The following PAK5 variants were observed in gnomAD, a reference collection of about 807,000 sequenced individuals.
The protein encoded by PAK5 is serine/threonine-protein kinase PAK 5.
PAK5 carries 16 observed loss-of-function variants against 65.9 expected under a neutral mutation model. That is an observed-to-expected ratio of 0.24 (90% CI 0.16 to 0.37). The LOEUF (loss-of-function observed/expected upper bound fraction) is 0.37, where lower values mean the gene tolerates loss of function less well. Ranked by LOEUF, PAK5 falls within the 10% of genes least tolerant of loss-of-function variation. PAK5 has a pLI of 1.00. For synonymous variants in PAK5, 371 were observed against 354.9 expected, an observed-to-expected ratio of 1.05 and a Z score of -0.51; for missense variants, 785 against 903.9, an observed-to-expected ratio of 0.87 and a Z score of 1.69.
intron 2 of PAK5, among the ~76,000 whole-genome samples, chr20:9,644,931 A>G (rs1355336337): frequency 6.6e-6 from 1 of 152,240 alleles, no homozygotes; most frequent in African/African-American, 2.4e-5. Flanking sequence ...GTACACAGGG[A>G]GAAACATTTC....
rs977892106 is a variant in PAK5 at position 9,606,137 on chromosome 20, T to A, written c.205-25207A>T. Among the ~76,000 whole-genome samples the A allele has an allele frequency of 2.0e-5, 3 of 152,154 alleles. No homozygotes were observed. In the East Asian group the frequency reaches 5.8e-4, roughly 29 times the overall value. ...TGGATCATGGGGGGTGAACTTCTCA[T>A]GAATGATTTAGTGCCATCCCCTTGG... On this transcript the variant is annotated intron_variant, in intron 3 of 9. Coordinates refer to ENST00000353224, the MANE Select transcript of PAK5 (RefSeq NM_177990.4).
At chr20:9,608,418 G>A (rs1204774473) in intron 3 of PAK5, among the ~76,000 whole-genome samples, 1 of 152,204 alleles carries the variant, frequency 6.6e-6, no homozygotes, top group African/African-American at 2.4e-5. Flanking sequence ...GAGGACTCCA[G>A]CGCTTGGAGG....
chr20:9,831,875 G>A (rs1398317377), intron 1 of PAK5, among the ~76,000 whole-genome samples: 1 of 152,030 alleles, frequency 6.6e-6, no homozygotes, highest in African/African-American at 2.4e-5. Flanking sequence ...ACCACCCAGA[G>A]ATTGCCTAAC....
At chr20:9,616,296 A>G (rs2046654168) in intron 3 of PAK5, among the ~76,000 whole-genome samples, 2 of 152,202 alleles carry the variant, frequency 1.3e-5, no homozygotes, top group African/African-American at 4.8e-5. Context: ...TATATTACAG[A>G]TGAGGAACTG....
chr20:9,658,153 A>G (rs2047294601), intron 2 of PAK5, among the ~76,000 whole-genome samples: 2 of 152,232 alleles, frequency 1.3e-5, no homozygotes, highest in South Asian at 4.1e-4. Context: ...TTATGAGTAG[A>G]TTAGTTGATC....
chr20:9,590,141 A>T (rs1278512729), intron 3 of PAK5, among the ~76,000 whole-genome samples: 7 of 148,980 alleles, frequency 4.7e-5, no homozygotes, highest in African/African-American at 1.5e-4. Flanking sequence ...CTGGCTAATT[A>T]AAAAAAAAAT....
chr20:9,669,512 A>C (rs2047464925), intron 2 of PAK5, among the ~76,000 whole-genome samples: 4 of 152,088 alleles, frequency 2.6e-5, no homozygotes, highest in Admixed American at 2.6e-4. Flanking sequence ...TTTGGATTAA[A>C]ATTTGAGGTT....
At chr20:9,622,422 T>C (rs1014071331) in intron 3 of PAK5, among the ~76,000 whole-genome samples, 2 of 152,222 alleles carry the variant, frequency 1.3e-5, no homozygotes, top group African/African-American at 4.8e-5. Flanking sequence ...GACATTTACA[T>C]GATCACAGAA....
chr20:9,541,827 T>C (rs2045268929), intron 9 of PAK5, among the ~76,000 whole-genome samples: 1 of 152,168 alleles, frequency 6.6e-6, no homozygotes, highest in Non-Finnish European at 1.5e-5. Flanking sequence ...ATTCTCAAGA[T>C]AGTGAGGGAA....
intron 3 of PAK5, among the ~76,000 whole-genome samples, chr20:9,630,012 T>C (rs1300798034): frequency 6.6e-6 from 1 of 152,068 alleles, no homozygotes; most frequent in Admixed American, 6.5e-5. Context: ...TCTCCCGAGG[T>C]CGTGTGGAAA....
At chr20:9,764,461 T>C (rs1266381795) in intron 1 of PAK5, among the ~76,000 whole-genome samples, 1 of 152,192 alleles carries the variant, frequency 6.6e-6, no homozygotes, top group Non-Finnish European at 1.5e-5. Context: ...CTTTTCCCCT[T>C]TGTAAGTAAT....
chr20:9,660,405 T>C (rs557056990), intron 2 of PAK5, among the ~76,000 whole-genome samples: 4 of 151,524 alleles, frequency 2.6e-5, no homozygotes, highest in African/African-American at 4.8e-5. Context: ...GTGCACCTGC[T>C]GAAGCCGGGC....
intron 1 of PAK5, among the ~76,000 whole-genome samples, chr20:9,802,975 A>G (rs780277999): frequency 1.4e-5 from 2 of 139,482 alleles, no homozygotes; most frequent in Admixed American, 7.4e-5. Flanking sequence ...CAAATTAAAG[A>G]AAAAAAAAGC....
intron 2 of PAK5, among the ~76,000 whole-genome samples, chr20:9,692,763 G>A (rs1026188670): frequency 1.2e-4 from 18 of 152,090 alleles, no homozygotes; most frequent in Admixed American, 7.2e-4. Context: ...GAGGAAGGAT[G>A]TTATCCTAGA....
chr20:9,595,082 T>C (rs577504861), intron 3 of PAK5, among the ~76,000 whole-genome samples: 1 of 151,286 alleles, frequency 6.6e-6, no homozygotes, highest in South Asian at 2.1e-4. Flanking sequence ...CATATACATA[T>C]ATATATACAC....
intron 1 of PAK5, among the ~76,000 whole-genome samples, chr20:9,734,995 C>G (rs897248326): frequency 7.2e-5 from 11 of 152,134 alleles, no homozygotes; most frequent in Admixed American, 2.0e-4. Context: ...ATGCTATGTA[C>G]AGGAAAAGGA....
rs150423722 is a variant in PAK5, at chr20:9,767,606, G to T, written c.-161-56171C>A. ...CTAGCAGAGTGGGCAATCCATAAAA[G>T]TGCCCATTTCCAGGCAATATTTAAG... On this transcript the variant is annotated intron_variant, in intron 1 of 9. Coordinates refer to ENST00000353224, the MANE Select transcript of PAK5 (RefSeq NM_177990.4). Among the ~76,000 whole-genome samples, 77 of 152,230 alleles carry T rather than the reference G, an allele frequency of 5.1e-4. 2 individuals carry two copies. The East Asian group carries it at 0.015, about 29-fold the overall frequency.
chr20:9,685,492 G>T (rs1600240676), intron 2 of PAK5, among the ~76,000 whole-genome samples: 1 of 152,310 alleles, frequency 6.6e-6, no homozygotes, highest in Non-Finnish European at 1.5e-5. Flanking sequence ...GAGAGTAAAA[G>T]ATTGCCAGAA....
At chr20:9,760,103 T>C (rs1023086201) in intron 1 of PAK5, among the ~76,000 whole-genome samples, 23 of 152,192 alleles carry the variant, frequency 1.5e-4, no homozygotes, top group Non-Finnish European at 3.4e-4. Flanking sequence ...TGGGTAGCTG[T>C]GACCACCAGA....
Sources: gnomAD v4.1 joint callset for allele counts (sites outside exome capture counted in the v4.1 genomes callset) on GRCh38, gnomAD v4.1.1 for gene constraint, MANE v1.5 for transcripts, NCBI Gene and HGNC (gene_info 2026-07-23, HGNC 2026-07-21) for gene names.